ACRV1: variants seen among roughly 807,000 people sequenced by gnomAD.
ACRV1 encodes the protein acrosomal protein SP-10.
Under a neutral mutation model 29.2 loss-of-function variants are expected in ACRV1, and 17 were observed. The observed-to-expected ratio is 0.58, with a 90% CI of 0.40 to 0.87. ACRV1 has a LOEUF of 0.87. Among genes scored for constraint, ACRV1 ranks in the 40% least tolerant of loss-of-function variants. ACRV1 has a pLI of 0.00. For synonymous variants in ACRV1, 98 were observed against 111.6 expected, an observed-to-expected ratio of 0.88 and a Z score of 0.77; for missense variants, 294 against 316.0, an observed-to-expected ratio of 0.93 and a Z score of 0.53.
rs757406142 is a variant in ACRV1 at position 125,676,930 on chromosome 11, AGT to A, written c.554-454_554-453del. 2.3e-3 allele frequency among the ~76,000 whole-genome samples: 347 copies of A among 150,272 alleles called. 3 individuals carry two copies. The highest frequency in any genetic ancestry group is 4.2e-3 in the Non-Finnish European group (282 of 67,580). Reference sequence around the variant, plus strand: ...CTCTAACATTGCAAACCCTGTGAAGAGTGTGTCCTTCTCCATTTTCAAATTGA... The same window carrying A: ...CTCTAACATTGCAAACCCTGTGAAGAGTGTCCTTCTCCATTTTCAAATTGA... On this transcript the variant is annotated intron_variant, in intron 2 of 3. Transcript: ENST00000533904.
At chr11:125,676,319 T>C in intron 3 of ACRV1, 40 bp downstream of exon 3, 3 of 1,610,336 alleles carry the variant, frequency 1.9e-6, no homozygotes, top group African/African-American at 1.3e-5. Flanking sequence ...TAAGTTGATG[T>C]GTTCTCAGGC....
At chr11:125,679,866 G>A (rs1421565252) in intron 1 of ACRV1, among the ~76,000 whole-genome samples, 3 of 152,222 alleles carry the variant, frequency 2.0e-5, no homozygotes, top group Admixed American at 2.0e-4. Context: ...AAGCTTTTAG[G>A]AGGTTTTTAT....
chr11:125,679,756 G>A (rs188730119), intron 1 of ACRV1, among the ~76,000 whole-genome samples: 2 of 152,270 alleles, frequency 1.3e-5, no homozygotes, highest in African/African-American at 2.4e-5. Context: ...AGAATCTTGC[G>A]ATAGATATAT....
intron 1 of ACRV1, among the ~76,000 whole-genome samples, chr11:125,678,972 G>C (rs1942651398): frequency 6.7e-5 from 2 of 29,770 alleles, no homozygotes; most frequent in Admixed American, 4.2e-4. Context: ...AAAAAGTCTA[G>C]GCATATTATA....
At chr11:125,680,120 G>A (rs893178005) in intron 1 of ACRV1, among the ~76,000 whole-genome samples, 2 of 152,170 alleles carry the variant, frequency 1.3e-5, no homozygotes, top group Non-Finnish European at 2.9e-5. Flanking sequence ...ACCTCTGACA[G>A]TCGACATTAT....
intron 2 of ACRV1, 115 bp downstream of exon 2, chr11:125,677,682 G>T (rs1942576778): frequency 2.9e-6 from 4 of 1,372,052 alleles, no homozygotes; most frequent in Non-Finnish European, 4.0e-6. Flanking sequence ...AGAGCTGTTT[G>T]TGAAGTGTTA....
In ACRV1 at chr11:125,676,493, T is replaced by C; in HGVS notation, c.554-15A>G. 1 of 1,614,104 alleles carries C rather than the reference T, an allele frequency of 6.2e-7. No individual in the cohort carries two copies. The highest frequency in any genetic ancestry group is 8.5e-7 in the Non-Finnish European group (1 of 1,179,960). On this transcript the variant is annotated splice_polypyrimidine_tract_variant and intron_variant, in intron 2 of 3. Transcript: ENST00000533904. The stretch of plus-strand genomic sequence containing the variant: ...TAATATTGTGCCTGAAAATTTAAGA[T>C]AAGCCTGATGACATTTCCTTGTGGA...
chr11:125,680,627 T>C (rs1005241967), intron 1 of ACRV1, 102 bp downstream of exon 1: 6 of 1,020,850 alleles, frequency 5.9e-6, no homozygotes, highest in Non-Finnish European at 8.9e-6. Flanking sequence ...CTGACTCAGA[T>C]TGGTTTGGGT....
intron 1 of ACRV1, among the ~76,000 whole-genome samples, chr11:125,679,228 T>TTTTTTTTTG (rs1454887323): frequency 6.9e-6 from 1 of 145,560 alleles, no homozygotes; most frequent in African/African-American, 2.6e-5. Flanking sequence ...TTTTTTTTTT[T>TTTTTTTTTG]TGTTTCAAAG....
chr11:125,676,665 C>T (rs910984971), intron 2 of ACRV1, among the ~76,000 whole-genome samples, 187 bp from the exon 3 acceptor site: 3 of 152,152 alleles, frequency 2.0e-5, no homozygotes, highest in Admixed American at 1.3e-4. Flanking sequence ...CATTCTTCTT[C>T]ATCTCTGACC....
At chr11:125,674,964 C>G (rs1942418790) in intron 3 of ACRV1, among the ~76,000 whole-genome samples, 1 of 152,166 alleles carries the variant, frequency 6.6e-6, no homozygotes, top group South Asian at 2.1e-4. Context: ...ACTTTTCTGA[C>G]TTTTGCTTTC....
chr11:125,674,398 G>A (rs879090630), intron 3 of ACRV1, among the ~76,000 whole-genome samples: 9 of 152,288 alleles, frequency 5.9e-5, no homozygotes, highest in East Asian at 3.9e-4. Flanking sequence ...TTAGCATTTC[G>A]ATTAGAAAGG....
At chr11:125,680,034 CACAT>C (rs1234017129) in intron 1 of ACRV1, among the ~76,000 whole-genome samples, 1 of 152,196 alleles carries the variant, frequency 6.6e-6, no homozygotes, top group Non-Finnish European at 1.5e-5. Flanking sequence ...ATGTGACTGG[CACAT>C]ACTATCACCT....
At chr11:125,673,686 C>T (rs1942327060) in intron 3 of ACRV1, among the ~76,000 whole-genome samples, 1 of 152,166 alleles carries the variant, frequency 6.6e-6, no homozygotes, top group Non-Finnish European at 1.5e-5. Context: ...AAATGAAACT[C>T]ATTACTTTCC....
intron 1 of ACRV1, among the ~76,000 whole-genome samples, chr11:125,680,413 G>A (rs868856020): frequency 6.6e-6 from 1 of 152,052 alleles, no homozygotes. Context: ...TTAATTGGTG[G>A]GACAAACCTT....
intron 1 of ACRV1, among the ~76,000 whole-genome samples, chr11:125,679,942 AT>A (rs1942718814): frequency 6.6e-6 from 1 of 152,226 alleles, no homozygotes; most frequent in Admixed American, 6.5e-5. Context: ...ACAAGTTTTG[AT>A]AAAGAGATGT....
chr11:125,677,650 C>T (rs113526100), intron 2 of ACRV1, 147 bp downstream of exon 2: 106 of 1,116,968 alleles, frequency 9.5e-5, no homozygotes, highest in Middle Eastern at 2.2e-4. Context: ...ATGATTGTGA[C>T]GAGAACTAGA....
intron 3 of ACRV1, among the ~76,000 whole-genome samples, chr11:125,674,912 T>G (rs1352111729): frequency 6.6e-6 from 1 of 152,220 alleles, no homozygotes; most frequent in East Asian, 1.9e-4. Context: ...CTGCTCACCA[T>G]CCTCAAAAAA....
At chr11:125,674,420 T>C (rs1378287867) in intron 3 of ACRV1, among the ~76,000 whole-genome samples, 1 of 152,168 alleles carries the variant, frequency 6.6e-6, no homozygotes, top group Non-Finnish European at 1.5e-5. Flanking sequence ...AAGAGGATAA[T>C]TTCAGGCTGA....
Sources: gnomAD v4.1 joint callset for allele counts (sites outside exome capture counted in the v4.1 genomes callset) on GRCh38, gnomAD v4.1.1 for gene constraint, MANE v1.5 for transcripts, NCBI Gene and HGNC (gene_info 2026-07-23, HGNC 2026-07-21) for gene names.